The following KRR1 variants were observed in gnomAD, a reference collection of about 807,000 sequenced individuals.
KRR1 encodes KRR1 small subunit processome component homolog.
KRR1 carries 23 observed loss-of-function variants against 50.0 expected under a neutral mutation model. That is an observed-to-expected ratio of 0.46 (90% CI 0.33 to 0.65). The LOEUF is 0.65. KRR1 is among the 30% of genes least tolerant of loss of function. The pLI, the probability that KRR1 is intolerant of heterozygous loss-of-function variation, is 0.02. For synonymous variants in KRR1, 133 were observed against 146.3 expected (o/e 0.91, Z 0.66); for missense variants, 419 against 442.4 (o/e 0.95, Z 0.47).
In KRR1 at chr12:75,508,301, T is replaced by C; in HGVS notation, c.231A>G (p.Pro77=). 1 of 1,611,318 alleles carries C rather than the reference T, an allele frequency of 6.2e-7. No individual in the cohort carries two copies. Among genetic ancestry groups the C allele is most frequent in the Non-Finnish European group, 8.5e-7 (1 of 1,178,992 alleles). ...YREAYLKECW[P]LVQKALNEHH... ...GTTCATTTAAGGCTTTCTGCACCAA[T>C]GGCCAACACTCTTTCAAGTAAGCTT... The change falls in exon 2 of 10, where the codon CCA becomes CCG. Residue 77 remains proline, a synonymous_variant. Coordinates refer to ENST00000229214, the MANE Select transcript of KRR1 (RefSeq NM_007043.7).
At chr12:75,502,046 A>C in intron 7 of KRR1, 46 bp from the exon 8 acceptor site, 1 of 1,478,360 alleles carries the variant, frequency 6.8e-7, no homozygotes, top group Non-Finnish European at 9.4e-7. Flanking sequence ...AATGTAGAGG[A>C]GAAGTCATGT....
chr12:75,498,876 C>A lies in KRR1; in HGVS notation c.*933G>T, dbSNP rs767661320. ...GGCCCATATATCCACGTAACAGATA[C>A]ACTTCTCTCTTTCTCATTGTTAATT... On this transcript the variant is annotated 3_prime_UTR_variant, in exon 10 of 10. Transcript: ENST00000229214. 4 of 1,610,260 alleles carry A rather than the reference C, an allele frequency of 2.5e-6. No individual in the cohort carries two copies. Among genetic ancestry groups the A allele is most frequent in the African/African-American group, 1.3e-5 (1 of 74,786 alleles).
rs1480263188 is a variant in KRR1 at position 75,498,834 on chromosome 12, T to A, written c.*975A>T. The stretch of plus-strand genomic sequence containing the variant: ...ATGTTTGTTTCACAGGTTACTACTC[T>A]GTTGTATATCCAGGCTGGCCCATAT... On this transcript the variant is annotated 3_prime_UTR_variant, in exon 10 of 10. Coordinates refer to ENST00000229214, the MANE Select transcript of KRR1 (RefSeq NM_007043.7). The A allele has an allele frequency of 2.5e-6, 4 of 1,612,598 alleles. No individual in the cohort carries two copies. The highest frequency in any genetic ancestry group is 2.5e-6 in the Non-Finnish European group (3 of 1,178,988).
rs2046354298 is a variant in KRR1, at chr12:75,496,775, G to A, written c.*3034C>T. 6.6e-6 allele frequency: 1 copy of A among 152,124 alleles called. No individual in the cohort carries two copies. Among genetic ancestry groups the A allele is most frequent in the Non-Finnish European group, 1.5e-5 (1 of 68,022 alleles). The allele number at this position is 152,124 out of a possible 1,614,324, so 9.4% of individuals were successfully genotyped here. On this transcript the variant is annotated 3_prime_UTR_variant, in exon 10 of 10. Coordinates refer to ENST00000229214, the MANE Select transcript of KRR1 (RefSeq NM_007043.7). ...GTGTTCCATTGCTCATGTTTTATAA[G>A]GTCCCTTGCAGGCCTAAAATTATAA... is the stretch of plus-strand genomic sequence containing the variant.
Position 75,506,469 on chromosome 12 carries a change from C to T in KRR1, c.519+15G>A. ...TTAAGGAAGAGACTCAAGTTTTCCA[C>T]TAATTAAAAAATACCTTCAATGTAG... is the stretch of plus-strand genomic sequence containing the variant. On this transcript the variant is annotated intron_variant, in intron 4 of 9. Transcript: ENST00000229214. 6.2e-7 allele frequency: 1 copy of T among 1,603,500 alleles called. No individual in the cohort carries two copies. Among genetic ancestry groups the T allele is most frequent in the Non-Finnish European group, 8.5e-7 (1 of 1,177,924 alleles).
At chr12:75,510,686 G>A (rs544064613) in intron 1 of KRR1, among the ~76,000 whole-genome samples, 2 of 152,242 alleles carry the variant, frequency 1.3e-5, no homozygotes, top group East Asian at 3.9e-4. Flanking sequence ...AGGGTTTGAG[G>A]GGTATGGTAA....
At chr12:75,500,054 C>CAGAGT (rs1478583227) in intron 9 of KRR1, 103 bp from the exon 10 acceptor site, 2 of 836,798 alleles carry the variant, frequency 2.4e-6, no homozygotes, top group Non-Finnish European at 3.6e-6. Context: ...CAGTTAACTT[C>CAGAGT]AGAGTATTCT....
intron 6 of KRR1, 157 bp from the exon 7 acceptor site, chr12:75,504,231 T>C: frequency 2.2e-6 from 1 of 455,158 alleles, no homozygotes; most frequent in Non-Finnish European, 3.9e-6. Flanking sequence ...AGGTAGGTTA[T>C]CACAAACATG....
In KRR1 at chr12:75,493,652, G is replaced by C. The variant is rs913400293; in HGVS notation, c.*6157C>G. The C allele has an allele frequency of 2.0e-5, 3 of 152,160 alleles. No individual in the cohort carries two copies. The highest frequency in any genetic ancestry group is 1.3e-4 in the Admixed American group (2 of 15,282). The allele number at this position is 152,160 out of a possible 1,614,324, so 9.4% of individuals were successfully genotyped here. A position where few individuals can be genotyped will look rare whatever the true frequency, so the allele number is the denominator to read the frequency against. On this transcript the variant is annotated 3_prime_UTR_variant, in exon 10 of 10. Coordinates refer to ENST00000229214, the MANE Select transcript of KRR1 (RefSeq NM_007043.7). ...TATTTATCTTTTTCTTTAAAGATTT[G>C]TCTTCGGTCTTCCCCTGGGTCCCAT...
rs2046363299 is a variant in KRR1 at position 75,498,171 on chromosome 12, GCT to G, written c.*1636_*1637del. 2 of 152,022 alleles carry G rather than the reference GCT, an allele frequency of 1.3e-5. No individual in the cohort carries two copies. Among genetic ancestry groups the G allele is most frequent in the African/African-American group, 2.4e-5 (1 of 41,144 alleles). The allele number at this position is 152,022 out of a possible 1,614,324, so 9.4% of individuals were successfully genotyped here. On this transcript the variant is annotated 3_prime_UTR_variant, in exon 10 of 10. Transcript: ENST00000229214. ...GTTGTGGAATTTATTTCTTCCCAGT[GCT>G]CTGATTGTCAAAATTTGAATAAAGC...
Position 75,490,953 on chromosome 12 carries a change from C to G in KRR1, c.*8856G>C, listed in dbSNP as rs556798910. The stretch of plus-strand genomic sequence containing the variant: ...CAACTTATATAACCTATTTCATTTA[C>G]TTTTGACAGTTGTTTTTAAAACAGA... On this transcript the variant is annotated 3_prime_UTR_variant, in exon 10 of 10. Coordinates refer to ENST00000229214, the MANE Select transcript of KRR1 (RefSeq NM_007043.7). 4.5e-5 allele frequency: 7 copies of G among 153,912 alleles called. No individual in the cohort carries two copies. Among genetic ancestry groups the G allele is most frequent in the African/African-American group, 1.7e-4 (7 of 41,556 alleles). The allele number at this position is 153,912 out of a possible 1,614,324, so 9.5% of individuals were successfully genotyped here.
intron 7 of KRR1, 50 bp from the exon 8 acceptor site, chr12:75,502,050 G>T: frequency 1.4e-6 from 2 of 1,450,338 alleles, no homozygotes; most frequent in Non-Finnish European, 1.9e-6. Flanking sequence ...TAGAGGAGAA[G>T]TCATGTCCTA....
chr12:75,504,579 C>T (rs2046413611), intron 6 of KRR1, among the ~76,000 whole-genome samples: 2 of 152,150 alleles, frequency 1.3e-5, no homozygotes, highest in Middle Eastern at 6.8e-3. Context: ...TCTGCAATAT[C>T]CCAATATCCC....
chr12:75,499,534 ACAT>A lies in KRR1; in HGVS notation c.*272_*274del, dbSNP rs1430724480. 1.3e-4 allele frequency: 26 copies of A among 201,086 alleles called. No homozygotes were observed. Among genetic ancestry groups the A allele is most frequent in the Non-Finnish European group, 2.6e-4 (26 of 101,954 alleles). 12.5% of individuals were successfully genotyped at this position (201,086 alleles called of 1,614,324 possible). A position where few individuals can be genotyped will look rare whatever the true frequency, so the allele number is the denominator to read the frequency against. ...TAGAGAGGGAACATCAAATGCTGGG[ACAT>A]CATTACTAACCAATAGCATCAGACA... On this transcript the variant is annotated 3_prime_UTR_variant, in exon 10 of 10. Coordinates refer to ENST00000229214, the MANE Select transcript of KRR1 (RefSeq NM_007043.7).
In KRR1 at chr12:75,496,026, C is replaced by CA. The variant is rs1409936129; in HGVS notation, c.*3782dup. 2 of 136,908 alleles carry CA rather than the reference C, an allele frequency of 1.5e-5. No homozygotes were observed. Among genetic ancestry groups the CA allele is most frequent in the African/African-American group, 3.2e-5 (1 of 31,254 alleles). The allele number at this position is 136,908 out of a possible 1,614,324, so 8.5% of individuals were successfully genotyped here. ...TTTTTTTTGTTTTTTTTTTTTGAGA[C>CA]AGAGTCTTGCTCTGTCACCCATGCT... On this transcript the variant is annotated 3_prime_UTR_variant, in exon 10 of 10. Transcript: ENST00000229214.
chr12:75,510,296 C>T (rs1169228328), intron 1 of KRR1, among the ~76,000 whole-genome samples: 1 of 152,118 alleles, frequency 6.6e-6, no homozygotes, highest in African/African-American at 2.4e-5. Context: ...CCTAGAGAAA[C>T]CCTTGAACAT....
intron 1 of KRR1, 98 bp downstream of exon 1, chr12:75,511,415 G>A (rs2046448206): frequency 2.8e-6 from 3 of 1,057,194 alleles, no homozygotes; most frequent in South Asian, 2.5e-5. Flanking sequence ...ACACAGTACA[G>A]GCTCCAGGTG....
At chr12:75,501,851 G>C in intron 8 of KRR1, 35 bp from the exon 9 acceptor site, 2 of 1,566,618 alleles carry the variant, frequency 1.3e-6, no homozygotes, top group South Asian at 2.3e-5. Flanking sequence ...TCAGTTAAAT[G>C]TATTTATAGT....
At chr12:75,504,106 C>T in intron 6 of KRR1, 32 bp from the exon 7 acceptor site, 1 of 1,529,088 alleles carries the variant, frequency 6.5e-7, no homozygotes, top group Non-Finnish European at 8.9e-7. Context: ...AAAATTTTTA[C>T]TTTCCAAAGT....
Sources: allele counts gnomAD v4.1 joint callset (sites outside exome capture counted in the v4.1 genomes callset), GRCh38; gene constraint gnomAD v4.1.1; transcripts MANE v1.5; gene names NCBI Gene and HGNC (gene_info 2026-07-23, HGNC 2026-07-21).